The following CSMD2 variants were observed in gnomAD, a reference collection of about 807,000 sequenced individuals.
CSMD2 encodes CUB and Sushi multiple domains 2.
CSMD2 carries 130 observed loss-of-function variants against 398.5 expected under a neutral mutation model. The observed-to-expected ratio is 0.33, with a 90% CI of 0.28 to 0.38. The LOEUF is 0.38. CSMD2 is among the 10% of genes least tolerant of loss of function. The pLI, the probability that CSMD2 is intolerant of heterozygous loss-of-function variation, is 1.00. For missense variants in CSMD2, 3,829 were observed against 4,764.9 expected (o/e 0.80, Z 5.78); for synonymous variants, 1,828 against 1,908.5 (o/e 0.96, Z 1.10).
intron 3 of CSMD2, among the ~76,000 whole-genome samples, chr1:33,981,144 G>A (rs77431421): frequency 0.014 from 2,105 of 152,302 alleles, 32 homozygotes; most frequent in African/African-American, 0.042. Flanking sequence ...TGAGTGCTCC[G>A]AAGCTCTTCT....
At chr1:34,101,547 T>C (rs1211620204) in intron 1 of CSMD2, among the ~76,000 whole-genome samples, 1 of 152,218 alleles carries the variant, frequency 6.6e-6, no homozygotes, top group Non-Finnish European at 1.5e-5. Context: ...CCTTGTGTAT[T>C]GTCTTATTTG....
chr1:33,770,753 A>G lies in CSMD2; in HGVS notation c.1846+1816T>C, dbSNP rs570308827. Among the ~76,000 whole-genome samples, 8 of 152,286 alleles carry G rather than the reference A, an allele frequency of 5.3e-5. 1 individual carries two copies. In the South Asian group the frequency reaches 1.2e-3, roughly 24 times the overall value. ...CTCAGACCCCTCATCCTTGTTTCAA[A>G]CCACAGGGAGCACTGACACATACTT... is the stretch of plus-strand genomic sequence containing the variant. On this transcript the variant is annotated intron_variant, in intron 13 of 70. Transcript: ENST00000373381.
At chr1:33,672,928 A>C (rs1052960571) in intron 25 of CSMD2, among the ~76,000 whole-genome samples, 14 of 152,200 alleles carry the variant, frequency 9.2e-5, no homozygotes, top group Admixed American at 5.2e-4. Context: ...AAACTAACAA[A>C]CAGAAAGGAC....
intron 15 of CSMD2, among the ~76,000 whole-genome samples, chr1:33,736,138 G>A (rs1646877869): frequency 6.6e-6 from 1 of 152,200 alleles, no homozygotes; most frequent in Non-Finnish European, 1.5e-5. Flanking sequence ...TACTTCTAGT[G>A]CCTACTGCCC....
At chr1:33,880,961 T>C (rs6692851) in intron 5 of CSMD2, among the ~76,000 whole-genome samples, 23,367 of 152,168 alleles carry the variant, frequency 0.15, 2,598 homozygotes, top group African/African-American at 0.31. Flanking sequence ...TTGTTATTTT[T>C]GGACCTTCAT....
chr1:34,084,448 C>G (rs1193689884), intron 2 of CSMD2, among the ~76,000 whole-genome samples: 1 of 152,202 alleles, frequency 6.6e-6, no homozygotes, highest in African/African-American at 2.4e-5. Context: ...CAGCAACCTA[C>G]AGAATGGGAG....
chr1:33,887,216 A>C (rs968076402), intron 5 of CSMD2, among the ~76,000 whole-genome samples: 3 of 148,380 alleles, frequency 2.0e-5, no homozygotes, highest in African/African-American at 7.5e-5. Flanking sequence ...CATTCTGGGA[A>C]TTGCTCCTAA....
At chr1:33,976,424 T>C (rs1238460675) in intron 3 of CSMD2, among the ~76,000 whole-genome samples, 1 of 152,088 alleles carries the variant, frequency 6.6e-6, no homozygotes, top group Non-Finnish European at 1.5e-5. Flanking sequence ...CTGGCTTCAT[T>C]TCTCCGCTGG....
At chr1:33,972,130 G>A (rs1030304495) in intron 3 of CSMD2, among the ~76,000 whole-genome samples, 2 of 152,096 alleles carry the variant, frequency 1.3e-5, no homozygotes, top group African/African-American at 4.8e-5. Context: ...GGACTCCCTG[G>A]GGACTTCTGG....
At chr1:33,754,916 G>A (rs944255852) in intron 13 of CSMD2, among the ~76,000 whole-genome samples, 5 of 152,050 alleles carry the variant, frequency 3.3e-5, no homozygotes, top group African/African-American at 1.2e-4. Flanking sequence ...TAGGAGTAAG[G>A]TGAGGAGAAG....
At chr1:33,623,168 G>A (rs1264675862) in intron 36 of CSMD2, among the ~76,000 whole-genome samples, 2 of 152,162 alleles carry the variant, frequency 1.3e-5, no homozygotes, top group Non-Finnish European at 2.9e-5. Context: ...TTTTGGGGTG[G>A]TCAAAATGTT....
intron 5 of CSMD2, among the ~76,000 whole-genome samples, chr1:33,868,379 G>T (rs1457313482): frequency 6.6e-6 from 1 of 152,094 alleles, no homozygotes; most frequent in Non-Finnish European, 1.5e-5. Context: ...AACTATTCTG[G>T]TGCTGGGAAT....
At position 34,089,204 on chromosome 1, in the gene CSMD2, G is replaced by C. The variant is rs997648817; in HGVS notation, c.188-11C>G. Reference sequence around the variant, plus strand: ...ACGTGCAGTTCTGGCCTGGGAAAGAGAAATGGAGCAGTTCAGAATAGCCAG... The same window carrying C: ...ACGTGCAGTTCTGGCCTGGGAAAGACAAATGGAGCAGTTCAGAATAGCCAG... On this transcript the variant is annotated splice_polypyrimidine_tract_variant and intron_variant, in intron 1 of 70. Transcript: ENST00000373381. 3.1e-6 allele frequency: 5 copies of C among 1,612,398 alleles called. No individual in the cohort carries two copies. Among genetic ancestry groups the C allele is most frequent in the East Asian group, 2.2e-5 (1 of 44,874 alleles).
At chr1:33,983,871 G>T (rs1646255874) in intron 3 of CSMD2, among the ~76,000 whole-genome samples, 1 of 152,150 alleles carries the variant, frequency 6.6e-6, no homozygotes, top group South Asian at 2.1e-4. Flanking sequence ...AATGGACATA[G>T]GCCGGGTGCA....
intron 5 of CSMD2, among the ~76,000 whole-genome samples, chr1:33,890,946 C>A (rs1412518209): frequency 6.6e-6 from 1 of 152,122 alleles, no homozygotes; most frequent in East Asian, 1.9e-4. Flanking sequence ...CCATAAAAAC[C>A]CTAGAAGAAA....
intron 3 of CSMD2, among the ~76,000 whole-genome samples, chr1:33,940,602 G>A (rs1395149219): frequency 6.6e-6 from 1 of 151,966 alleles, no homozygotes; most frequent in Non-Finnish European, 1.5e-5. Context: ...GCTTGCCCAA[G>A]GCCAAACAAC....
At chr1:34,012,554 G>GCCTCAAACT (rs1334323468) in intron 3 of CSMD2, among the ~76,000 whole-genome samples, 1 of 151,716 alleles carries the variant, frequency 6.6e-6, no homozygotes, top group East Asian at 1.9e-4. Context: ...TGATTCTCCT[G>GCCTCAAACT]CCTCAACCTC....
chr1:33,665,460 CTTT>C (rs745495781), intron 25 of CSMD2, among the ~76,000 whole-genome samples: 106 of 73,898 alleles, frequency 1.4e-3, no homozygotes, highest in East Asian at 7.1e-3. Flanking sequence ...TTTCTTCTCT[CTTT>C]TTTTTTTTTT....
intron 58 of CSMD2, 103 bp from the exon 59 acceptor site, chr1:33,541,412 G>C: frequency 1.2e-6 from 1 of 863,154 alleles, no homozygotes; most frequent in Non-Finnish European, 1.9e-6. Flanking sequence ...AAGGGAAACT[G>C]TCAGATCAGG....
Sources: allele counts gnomAD v4.1 joint callset (sites outside exome capture counted in the v4.1 genomes callset), GRCh38; gene constraint gnomAD v4.1.1; transcripts MANE v1.5; gene names NCBI Gene and HGNC (gene_info 2026-07-23, HGNC 2026-07-21).